PTPRZ1: variants seen among roughly 807,000 people sequenced by gnomAD.
The protein encoded by PTPRZ1 is receptor-type tyrosine-protein phosphatase zeta.
A neutral mutation model predicts 214.1 loss-of-function variants in PTPRZ1; 82 were observed. The observed-to-expected ratio is 0.38, with a 90% CI of 0.32 to 0.46. The LOEUF is 0.46. Ranked by LOEUF, PTPRZ1 falls within the 20% of genes least tolerant of loss-of-function variation. PTPRZ1 has a pLI of 1.00. For synonymous variants in PTPRZ1, 945 were observed against 987.9 expected, an observed-to-expected ratio of 0.96 and a Z score of 0.81; for missense variants, 2,603 against 2,748.7, an observed-to-expected ratio of 0.95 and a Z score of 1.19.
chr7:121,873,609 G>A (rs1395116833), intron 1 of PTPRZ1, 52 bp downstream of exon 1: 1 of 1,598,200 alleles, frequency 6.3e-7, no homozygotes, highest in Non-Finnish European at 8.6e-7. Context: ...GTGGGATGAG[G>A]GTGGGAGCAT....
chr7:121,873,873 T>C (rs1793965994), intron 1 of PTPRZ1, among the ~76,000 whole-genome samples: 1 of 152,202 alleles, frequency 6.6e-6, no homozygotes, highest in South Asian at 2.1e-4. Flanking sequence ...CTCTCCTCTT[T>C]TGCAAAGTGT....
intron 2 of PTPRZ1, among the ~76,000 whole-genome samples, chr7:121,939,325 G>A (rs1289641061): frequency 6.6e-6 from 1 of 152,124 alleles, no homozygotes; most frequent in Non-Finnish European, 1.5e-5. Flanking sequence ...CAAAGGCAGA[G>A]CCACCTAGAA....
At chr7:121,893,820 T>C (rs1794708808) in intron 1 of PTPRZ1, among the ~76,000 whole-genome samples, 1 of 152,128 alleles carries the variant, frequency 6.6e-6, no homozygotes, top group Non-Finnish European at 1.5e-5. Flanking sequence ...TCCTAAATAT[T>C]TATAGGGTTC....
At chr7:121,913,447 A>C (rs1795334905) in intron 1 of PTPRZ1, among the ~76,000 whole-genome samples, 2 of 152,238 alleles carry the variant, frequency 1.3e-5, no homozygotes, top group Non-Finnish European at 2.9e-5. Flanking sequence ...CATTAGGGGA[A>C]GTGACCTCAG....
At chr7:121,882,655 T>C (rs571955288) in intron 1 of PTPRZ1, among the ~76,000 whole-genome samples, 34 of 152,252 alleles carry the variant, frequency 2.2e-4, no homozygotes, top group Non-Finnish European at 4.0e-4. Context: ...GTGAAATGAC[T>C]GGAATAGATC....
At chr7:121,973,352 T>A (rs1213641201) in intron 4 of PTPRZ1, among the ~76,000 whole-genome samples, 1 of 152,168 alleles carries the variant, frequency 6.6e-6, no homozygotes, top group Non-Finnish European at 1.5e-5. Flanking sequence ...TGATAAGGTA[T>A]TAATGGTTTT....
At chr7:121,910,167 G>T (rs999656894) in intron 1 of PTPRZ1, among the ~76,000 whole-genome samples, 5 of 151,992 alleles carry the variant, frequency 3.3e-5, no homozygotes, top group Non-Finnish European at 5.9e-5. Flanking sequence ...GGAACTCTGC[G>T]CCTGTGCCAG....
Position 122,013,597 on chromosome 7 carries a change from T to A in PTPRZ1, c.4551T>A (p.Asp1517Glu), listed in dbSNP as rs539589616. 17 of 1,614,128 alleles carry A rather than the reference T, an allele frequency of 1.1e-5. No homozygotes were observed. The South Asian group carries it at 1.9e-4, about 18-fold the overall frequency. Residue 1517 changes from aspartate (D) to glutamate (E), a missense_variant, in exon 12 of 30, where the codon GAT becomes GAA. By Grantham distance (45) the Asp-to-Glu change is conservative. Transcript: ENST00000393386. ...SANGLSQKHN[D>E]GKEENDIQTG... Reference sequence around the variant, plus strand: ...ATGGGCTATCCCAAAAGCACAATGATGGAAAAGAGGAAAATGACATTCAGA... The same window carrying A: ...ATGGGCTATCCCAAAAGCACAATGAAGGAAAAGAGGAAAATGACATTCAGA...
At chr7:122,021,293 T>C (rs954611516) in intron 13 of PTPRZ1, among the ~76,000 whole-genome samples, 1 of 152,206 alleles carries the variant, frequency 6.6e-6, no homozygotes, top group African/African-American at 2.4e-5. Flanking sequence ...CTATTAATAA[T>C]GTGTCATTTC....
At chr7:122,015,324 A>G (rs147083685) in intron 12 of PTPRZ1, among the ~76,000 whole-genome samples, 2 of 152,298 alleles carry the variant, frequency 1.3e-5, no homozygotes, top group Non-Finnish European at 2.9e-5. Flanking sequence ...AATCCAGAAC[A>G]TAGACATCAG....
At chr7:122,035,824 C>G (rs1188875177) in intron 17 of PTPRZ1, among the ~76,000 whole-genome samples, 1 of 152,162 alleles carries the variant, frequency 6.6e-6, no homozygotes, top group Non-Finnish European at 1.5e-5. Context: ...GCCATGTTTC[C>G]TTCAAGTAAT....
intron 1 of PTPRZ1, among the ~76,000 whole-genome samples, chr7:121,922,928 T>G (rs1795643361): frequency 6.6e-6 from 1 of 152,216 alleles, no homozygotes; most frequent in Admixed American, 6.5e-5. Flanking sequence ...ATGCAACATA[T>G]GAAATACATT....
At chr7:121,916,272 C>CAA (rs59701928) in intron 1 of PTPRZ1, among the ~76,000 whole-genome samples, 22,426 of 109,298 alleles carry the variant, frequency 0.21, 2,428 homozygotes, top group Admixed American at 0.28. Flanking sequence ...GACTCCATCT[C>CAA]AAAAAAAAAA....
At chr7:121,879,431 C>T (rs182681243) in intron 1 of PTPRZ1, among the ~76,000 whole-genome samples, 38 of 152,194 alleles carry the variant, frequency 2.5e-4, no homozygotes, top group Admixed American at 1.9e-3. Flanking sequence ...TTCAGTCAGC[C>T]AAAAGCTATC....
At chr7:121,957,186 A>G (rs532458438) in intron 2 of PTPRZ1, among the ~76,000 whole-genome samples, 205 of 151,916 alleles carry the variant, frequency 1.3e-3, no homozygotes, top group Non-Finnish European at 1.8e-3. Context: ...CCTTCTTTGC[A>G]GGGCCTTTTT....
intron 25 of PTPRZ1, among the ~76,000 whole-genome samples, chr7:122,052,221 A>G (rs1792208259): frequency 6.6e-6 from 1 of 152,172 alleles, no homozygotes; most frequent in African/African-American, 2.4e-5. Flanking sequence ...ATACCTGCTT[A>G]TCTAAAAGGC....
chr7:122,008,502 T>C (rs997298307), intron 11 of PTPRZ1, among the ~76,000 whole-genome samples: 1 of 152,078 alleles, frequency 6.6e-6, no homozygotes, highest in African/African-American at 2.4e-5. Context: ...GAATTAGCTT[T>C]AGAAAGGAAG....
intron 1 of PTPRZ1, among the ~76,000 whole-genome samples, chr7:121,887,759 C>G (rs542390415): frequency 6.6e-6 from 1 of 152,198 alleles, no homozygotes; most frequent in African/African-American, 2.4e-5. Context: ...TTTTGGCCTG[C>G]ACAGCGGATG....
At chr7:121,920,416 C>T (rs1390615418) in intron 1 of PTPRZ1, among the ~76,000 whole-genome samples, 1 of 152,042 alleles carries the variant, frequency 6.6e-6, no homozygotes, top group African/African-American at 2.4e-5. Flanking sequence ...CTTTTATATA[C>T]TTTTTCTTAC....
Sources: allele counts gnomAD v4.1 joint callset (sites outside exome capture counted in the v4.1 genomes callset), GRCh38; gene constraint gnomAD v4.1.1; transcripts MANE v1.5; gene names NCBI Gene and HGNC (gene_info 2026-07-23, HGNC 2026-07-21).